The following MBOAT2 variants were observed in gnomAD, a reference collection of about 807,000 sequenced individuals.
The protein encoded by MBOAT2 is membrane-bound glycerophospholipid O-acyltransferase 2.
MBOAT2 carries 28 observed loss-of-function variants against 63.4 expected under a neutral mutation model. That is an observed-to-expected ratio of 0.44 (90% CI 0.33 to 0.61). The LOEUF is 0.61. MBOAT2 is among the 20% of genes least tolerant of loss of function. The pLI, the probability that MBOAT2 is intolerant of heterozygous loss-of-function variation, is 0.03. For synonymous variants in MBOAT2, 211 were observed against 215.6 expected (o/e 0.98, Z 0.19); for missense variants, 470 against 605.8 (o/e 0.78, Z 2.35).
intron 1 of MBOAT2, among the ~76,000 whole-genome samples, chr2:8,995,643 T>C (rs1042533630): frequency 6.9e-6 from 1 of 145,770 alleles, no homozygotes; most frequent in African/African-American, 2.6e-5. Context: ...CAGGCTGGAG[T>C]GTAGTGGCAC....
intron 3 of MBOAT2, among the ~76,000 whole-genome samples, chr2:8,925,881 C>T (rs1165921752): frequency 6.6e-6 from 1 of 152,184 alleles, no homozygotes; most frequent in African/African-American, 2.4e-5. Context: ...CATAAAATAA[C>T]GGTACATCTT....
chr2:8,918,625 A>G (rs1666357998), intron 3 of MBOAT2, among the ~76,000 whole-genome samples: 1 of 152,206 alleles, frequency 6.6e-6, no homozygotes, highest in Admixed American at 6.5e-5. Context: ...ATGGAGTGCA[A>G]TAGAACAGGT....
chr2:8,982,318 T>C (rs1381972460), intron 1 of MBOAT2, among the ~76,000 whole-genome samples: 1 of 152,194 alleles, frequency 6.6e-6, no homozygotes, highest in Non-Finnish European at 1.5e-5. Context: ...AAAATATTTC[T>C]CATTCACTTG....
chr2:8,957,326 T>C (rs1462222843), intron 2 of MBOAT2, among the ~76,000 whole-genome samples: 2 of 152,208 alleles, frequency 1.3e-5, no homozygotes, highest in East Asian at 3.8e-4. Flanking sequence ...ATGATATAAA[T>C]GTGATGTCAA....
At chr2:8,903,163 T>C (rs962354036) in intron 4 of MBOAT2, among the ~76,000 whole-genome samples, 1 of 152,228 alleles carries the variant, frequency 6.6e-6, no homozygotes, top group Admixed American at 6.5e-5. Context: ...CACAAAGCAC[T>C]GATTGGTGCA....
intron 7 of MBOAT2, among the ~76,000 whole-genome samples, chr2:8,876,467 T>C (rs1345142771): frequency 6.6e-6 from 1 of 152,248 alleles, no homozygotes; most frequent in African/African-American, 2.4e-5. Flanking sequence ...GTCAAAGTGT[T>C]AGCTATTATT....
intron 1 of MBOAT2, among the ~76,000 whole-genome samples, chr2:8,972,091 G>C (rs919707189): frequency 3.9e-5 from 6 of 152,162 alleles, no homozygotes; most frequent in African/African-American, 1.4e-4. Context: ...TAAAGCTGGA[G>C]GCATCACGCT....
At chr2:8,912,355 A>AAGAAAGAAAGAGAG in intron 3 of MBOAT2, among the ~76,000 whole-genome samples, 1 of 93,932 alleles carries the variant, frequency 1.1e-5, no homozygotes, top group African/African-American at 4.3e-5. Context: ...AAGAAAGAGA[A>AAGAAAGAAAGAGAG]AGAAAGAAAG....
At chr2:8,858,941 T>TAAA in intron 12 of MBOAT2, 37 bp from the exon 13 acceptor site, 1 of 1,457,384 alleles carries the variant, frequency 6.9e-7, no homozygotes, top group Non-Finnish European at 9.4e-7. Context: ...TAAAACTTGA[T>TAAA]AATTAATAAT....
At chr2:8,911,768 C>T (rs1395994505) in intron 3 of MBOAT2, among the ~76,000 whole-genome samples, 1 of 152,150 alleles carries the variant, frequency 6.6e-6, no homozygotes, top group African/African-American at 2.4e-5. Context: ...AGCCTAAGGC[C>T]TTCACCAGGG....
chr2:8,981,053 C>G (rs1271139577), intron 1 of MBOAT2, among the ~76,000 whole-genome samples: 2 of 152,098 alleles, frequency 1.3e-5, no homozygotes, highest in East Asian at 3.9e-4. Flanking sequence ...GATAGATAAA[C>G]CTTGAAAATA....
intron 5 of MBOAT2, among the ~76,000 whole-genome samples, chr2:8,884,922 T>C (rs1185850793): frequency 6.6e-6 from 1 of 152,106 alleles, no homozygotes; most frequent in Admixed American, 6.6e-5. Context: ...AAGCTAGAAG[T>C]CTAACCAAGT....
At chr2:8,925,866 T>C (rs1313088097) in intron 3 of MBOAT2, among the ~76,000 whole-genome samples, 31 of 152,348 alleles carry the variant, frequency 2.0e-4, no homozygotes, top group Non-Finnish European at 4.4e-5. Flanking sequence ...ACCTTTTTAG[T>C]GGTACATAAA....
Position 8,864,106 on chromosome 2 carries a change from T to A in MBOAT2, c.1052+64A>T, listed in dbSNP as rs1326096549. ...AATTTAATCAAGAACCTGAACTCAA[T>A]GAAGCTCAACCTCGAGAACTAGACG... On this transcript the variant is annotated intron_variant, in intron 10 of 12. Coordinates refer to ENST00000305997, the MANE Select transcript of MBOAT2 (RefSeq NM_138799.4). 15 of 1,152,928 alleles carry A rather than the reference T, an allele frequency of 1.3e-5. No individual in the cohort carries two copies. In the African/African-American group the frequency reaches 2.2e-4, roughly 17 times the overall value. The allele number at this position is 1,152,928 out of a possible 1,614,324, so 71.4% of individuals were successfully genotyped here.
chr2:8,894,574 T>TA (rs1436155539), intron 4 of MBOAT2, among the ~76,000 whole-genome samples: 2 of 152,182 alleles, frequency 1.3e-5, no homozygotes, highest in African/African-American at 4.8e-5. Flanking sequence ...CATCTACAAT[T>TA]AGACTCTGAA....
chr2:8,952,027 T>C (rs1668872302), intron 2 of MBOAT2, among the ~76,000 whole-genome samples: 1 of 152,202 alleles, frequency 6.6e-6, no homozygotes, highest in South Asian at 2.1e-4. Flanking sequence ...GATCATTAAT[T>C]TGAGATCTAA....
intron 4 of MBOAT2, among the ~76,000 whole-genome samples, chr2:8,890,380 G>T (rs1327371722): frequency 3.3e-5 from 5 of 151,628 alleles, no homozygotes; most frequent in African/African-American, 7.3e-5. Flanking sequence ...ATTCATAGTT[G>T]TTTTTTTTAT....
intron 6 of MBOAT2, among the ~76,000 whole-genome samples, chr2:8,878,269 T>C (rs771058563): frequency 1.3e-5 from 2 of 152,202 alleles, no homozygotes; most frequent in Non-Finnish European, 2.9e-5. Flanking sequence ...CACAGGAGAC[T>C]ATTTAGACTA....
intron 3 of MBOAT2, among the ~76,000 whole-genome samples, chr2:8,926,440 G>A (rs990934938): frequency 6.6e-6 from 1 of 152,224 alleles, no homozygotes; most frequent in Admixed American, 6.5e-5. Flanking sequence ...AGGGGGAAAA[G>A]GCCTCGCCAC....
Sources: gnomAD v4.1 joint callset for allele counts (sites outside exome capture counted in the v4.1 genomes callset) on GRCh38, gnomAD v4.1.1 for gene constraint, MANE v1.5 for transcripts, NCBI Gene and HGNC (gene_info 2026-07-23, HGNC 2026-07-21) for gene names.